CPLANE2: variants seen among roughly 807,000 people sequenced by gnomAD.
CPLANE2 encodes ciliogenesis and planar polarity effector 2.
In CPLANE2, 24 loss-of-function variants were observed where a neutral mutation model predicts 20.9. That is an observed-to-expected ratio of 1.15 (90% CI 0.83 to 1.61). The LOEUF (loss-of-function observed/expected upper bound fraction) is 1.61. CPLANE2 is among the 40% of genes most tolerant of loss of function. The probability of loss-of-function intolerance (pLI) is 0.00; values close to 1 mark genes in which losing one functional copy is unlikely to be tolerated. For missense variants in CPLANE2, 330 were observed against 355.1 expected (o/e 0.93, Z 0.57); for synonymous variants, 132 against 144.3 (o/e 0.92, Z 0.61).
At chr1:16,236,562 G>T in intron 1 of CPLANE2, 69 bp downstream of exon 1, 1 of 1,230,250 alleles carries the variant, frequency 8.1e-7, no homozygotes, top group Non-Finnish European at 1.2e-6. Context: ...TCCTCAGGGA[G>T]CAACAGGTGA....
chr1:16,232,410 C>T (rs1464719108), intron 4 of CPLANE2, 100 bp downstream of exon 4: 4 of 1,547,096 alleles, frequency 2.6e-6, no homozygotes, highest in Non-Finnish European at 3.5e-6. Context: ...CCATGCTGTA[C>T]CCTTTAAGTA....
At chr1:16,232,340 C>T (rs1347105976) in intron 4 of CPLANE2, 43 bp from the exon 5 acceptor site, 3 of 1,567,442 alleles carry the variant, frequency 1.9e-6, no homozygotes, top group East Asian at 2.3e-5. Context: ...CTCTGCACAG[C>T]CCCCCATCAG....
intron 1 of CPLANE2, among the ~76,000 whole-genome samples, chr1:16,236,268 A>G (rs1444101071): frequency 6.6e-6 from 1 of 152,226 alleles, no homozygotes; most frequent in African/African-American, 2.4e-5. Context: ...GTGTGATCTT[A>G]GCCAAGTCTG....
chr1:16,233,112 T>C (rs2081437004), intron 2 of CPLANE2, 95 bp from the exon 3 acceptor site: 1 of 1,383,860 alleles, frequency 7.2e-7, no homozygotes, highest in Admixed American at 1.8e-5. Flanking sequence ...GATACATCCC[T>C]GCCCTGATGG....
At chr1:16,234,827 A>C (rs2081451867) in intron 1 of CPLANE2, among the ~76,000 whole-genome samples, 1 of 152,048 alleles carries the variant, frequency 6.6e-6, no homozygotes, top group East Asian at 1.9e-4. Flanking sequence ...TCCCGGGTTC[A>C]AGTGATTCTC....
chr1:16,234,533 C>T (rs2863844), intron 1 of CPLANE2, among the ~76,000 whole-genome samples: 105,535 of 151,972 alleles, frequency 0.69, 36,926 homozygotes, highest in East Asian at 0.86. Flanking sequence ...TTTATTTTTA[C>T]TTTTTTTCTT....
In CPLANE2 at chr1:16,232,267, G is replaced by A. The variant is rs768051063; in HGVS notation, c.558C>T (p.Pro186=). 14 of 1,609,014 alleles carry A rather than the reference G, an allele frequency of 8.7e-6. No homozygotes were observed. In the Admixed American group the frequency reaches 1.3e-4, roughly 15 times the overall value. The change falls in exon 5 of 5, where the codon CCC becomes CCT. Residue 186 remains proline (P), a synonymous_variant. Coordinates refer to ENST00000375599, the MANE Select transcript of CPLANE2 (RefSeq NM_030907.4). The part of the protein sequence containing the change: ...KFDQYMHTDV[P]ERDLTAFRQA... The stretch of plus-strand genomic sequence containing the variant: ...GCCGGAAGGCTGTGAGGTCCCGCTC[G>A]GGCACGTCCGTGTGCATGTACTGGT...
chr1:16,233,957 T>G (rs922089022), intron 1 of CPLANE2, among the ~76,000 whole-genome samples, 193 bp from the exon 2 acceptor site: 1 of 152,224 alleles, frequency 6.6e-6, no homozygotes, highest in Admixed American at 6.5e-5. Flanking sequence ...AAAAGCCAGT[T>G]TGGGCGCCTC....
At chr1:16,234,331 G>A (rs1186228146) in intron 1 of CPLANE2, among the ~76,000 whole-genome samples, 4 of 151,338 alleles carry the variant, frequency 2.6e-5, no homozygotes, top group Non-Finnish European at 4.4e-5. Flanking sequence ...TTGAACCTGG[G>A]AGGTGGAAGT....
At chr1:16,233,490 G>A (rs1346403217) in intron 2 of CPLANE2, 122 bp downstream of exon 2, 1 of 1,202,734 alleles carries the variant, frequency 8.3e-7, no homozygotes. Flanking sequence ...AGCCCATGTA[G>A]GCTCAGAGAC....
Position 16,232,072 on chromosome 1 carries a change from G to GT in CPLANE2, c.752dup (p.Asn251LysfsTer8). ...CTCATTCAGGAGCACTCTCTGGGGG[G>GT]TTGGGAAGCAGGCCAGCCGCCACCT... On this transcript the variant is annotated frameshift_variant, in exon 5 of 5. Transcript: ENST00000375599. LOFTEE classifies it high-confidence loss of function. The GT allele has an allele frequency of 1.2e-6, 2 of 1,613,222 alleles. No homozygotes were observed. Among genetic ancestry groups the GT allele is most frequent in the Non-Finnish European group, 1.7e-6 (2 of 1,179,922 alleles).
At chr1:16,232,463 C>T (rs766663267) in intron 4 of CPLANE2, 47 bp downstream of exon 4, 2 of 1,603,500 alleles carry the variant, frequency 1.2e-6, no homozygotes, top group Non-Finnish European at 1.7e-6. Context: ...GAGGCTGGGC[C>T]CCTGACCCCC....
intron 2 of CPLANE2, 94 bp from the exon 3 acceptor site, chr1:16,233,111 C>T (rs1181510830): frequency 1.4e-6 from 2 of 1,408,532 alleles, no homozygotes; most frequent in East Asian, 2.3e-5. Flanking sequence ...AGATACATCC[C>T]TGCCCTGATG....
In CPLANE2 at chr1:16,231,957, C is replaced by T; in HGVS notation, c.*91G>A. ...CCTGATCAGGCCATGCTGGCCAGTC[C>T]TCCAGATAGGATCCATGTTCCTGCC... On this transcript the variant is annotated 3_prime_UTR_variant, in exon 5 of 5. Transcript: ENST00000375599. The T allele has an allele frequency of 6.5e-7, 1 of 1,527,066 alleles. No individual in the cohort carries two copies. The highest frequency in any genetic ancestry group is 1.2e-5 in the South Asian group (1 of 81,058). 94.6% of individuals were successfully genotyped at this position (1,527,066 alleles called of 1,614,324 possible). A position where few individuals can be genotyped will look rare whatever the true frequency, so the allele number is the denominator to read the frequency against.
chr1:16,235,173 A>G (rs1460775069), intron 1 of CPLANE2, among the ~76,000 whole-genome samples: 1 of 152,218 alleles, frequency 6.6e-6, no homozygotes, highest in East Asian at 1.9e-4. Context: ...ACTGAATGAT[A>G]CATTCAGGTG....
rs1438708955 is a variant in CPLANE2, at chr1:16,232,071, G to C, written c.754C>G (p.Pro252Ala). 2 of 1,613,084 alleles carry C rather than the reference G, an allele frequency of 1.2e-6. No individual in the cohort carries two copies. The highest frequency in any genetic ancestry group is 1.7e-6 in the Non-Finnish European group (2 of 1,179,910). The change falls in exon 5 of 5, where the codon CCC becomes GCC. Residue 252 changes from proline to alanine, a missense_variant. Coordinates refer to ENST00000375599, the MANE Select transcript of CPLANE2 (RefSeq NM_030907.4). ...ACTCATTCAGGAGCACTCTCTGGGG[G>C]GTTGGGAAGCAGGCCAGCCGCCACC... Reference protein sequence around the residue: ...DQVAAGLLPNPPESAPE With the variant: ...DQVAAGLLPNAPESAPE
chr1:16,232,473 CT>C (rs1200379539), intron 4 of CPLANE2, 36 bp downstream of exon 4: 3 of 1,607,652 alleles, frequency 1.9e-6, no homozygotes, highest in African/African-American at 2.7e-5. Context: ...CCCTGACCCC[CT>C]GGCTCCGTGA....
Position 16,236,841 on chromosome 1 carries a change from A to T in CPLANE2, c.-99T>A. 4.5e-6 allele frequency: 4 copies of T among 893,978 alleles called. No individual in the cohort carries two copies. Among genetic ancestry groups the T allele is most frequent in the Non-Finnish European group, 7.2e-6 (4 of 555,980 alleles). The allele number at this position is 893,978 out of a possible 1,614,324, so 55.4% of individuals were successfully genotyped here. On this transcript the variant is annotated 5_prime_UTR_variant, in exon 1 of 5. Transcript: ENST00000375599. ...CAAGCCGGGCCTGTGATCCCTCTTA[A>T]CTGCCCTCTGACTCTCCCGGGGGGC...
At chr1:16,232,449 G>C (rs2081429077) in intron 4 of CPLANE2, 61 bp downstream of exon 4, 1 of 1,591,926 alleles carries the variant, frequency 6.3e-7, no homozygotes, top group Non-Finnish European at 8.6e-7. Context: ...TCCATGCCTG[G>C]GCAGAGGCTG....
Sources: gnomAD v4.1 joint callset for allele counts (sites outside exome capture counted in the v4.1 genomes callset) on GRCh38, gnomAD v4.1.1 for gene constraint, MANE v1.5 for transcripts, NCBI Gene and HGNC (gene_info 2026-07-23, HGNC 2026-07-21) for gene names.